CDCA7L: variants seen among roughly 807,000 people sequenced by gnomAD.
CDCA7L encodes cell division cycle-associated 7-like protein.
A neutral mutation model predicts 57.4 loss-of-function variants in CDCA7L; 44 were observed. The observed-to-expected ratio is 0.77, with a 90% CI of 0.60 to 0.98. The LOEUF (loss-of-function observed/expected upper bound fraction) is 0.98, where lower values mean the gene tolerates loss of function less well. CDCA7L is among the 50% of genes least tolerant of loss of function. The pLI is 0.00. For synonymous variants in CDCA7L, 236 were observed against 202.8 expected (o/e 1.16, Z -1.39); for missense variants, 644 against 580.6 (o/e 1.11, Z -1.12).
chr7:21,942,849 G>A (rs1447070891), intron 1 of CDCA7L, among the ~76,000 whole-genome samples: 1 of 152,118 alleles, frequency 6.6e-6, no homozygotes, highest in African/African-American at 2.4e-5. Context: ...CAGCTTCTGG[G>A]GCTCTGGAAT....
chr7:21,939,541 T>C (rs986516186), intron 1 of CDCA7L, among the ~76,000 whole-genome samples: 2 of 152,170 alleles, frequency 1.3e-5, no homozygotes, highest in Non-Finnish European at 2.9e-5. Flanking sequence ...TGTGAAGTAA[T>C]TTCCTCCTCC....
At chr7:21,918,298 C>T (rs1262738740) in intron 1 of CDCA7L, among the ~76,000 whole-genome samples, 1 of 152,222 alleles carries the variant, frequency 6.6e-6, no homozygotes, top group Non-Finnish European at 1.5e-5. Flanking sequence ...CCAAGGCTAA[C>T]TGTGCTTCCC....
intron 9 of CDCA7L, 108 bp from the exon 10 acceptor site, chr7:21,902,460 T>C: frequency 9.5e-7 from 1 of 1,049,112 alleles, no homozygotes; most frequent in Non-Finnish European, 1.5e-6. Context: ...AGAACCCAGA[T>C]CTCCTGACAC....
At chr7:21,923,316 C>T (rs1368892025) in intron 1 of CDCA7L, among the ~76,000 whole-genome samples, 3 of 152,004 alleles carry the variant, frequency 2.0e-5, no homozygotes, top group African/African-American at 7.2e-5. Flanking sequence ...TGGTGAGACC[C>T]CGTCTCTACC....
rs1267694594 is a variant in CDCA7L, at chr7:21,901,034, C to CCATTGT, written c.*1282_*1287dup. 1 of 1,610,510 alleles carries CCATTGT rather than the reference C, an allele frequency of 6.2e-7. No homozygotes were observed. Among genetic ancestry groups the CCATTGT allele is most frequent in the African/African-American group, 1.3e-5 (1 of 74,798 alleles). ...GCCCGCTGGGACACCCAAGCAGGAA[C>CCATTGT]CATTGTTGAAGCCCGTCTCAAGGAG... On this transcript the variant is annotated 3_prime_UTR_variant, in exon 10 of 10. Transcript: ENST00000406877.
chr7:21,931,402 A>G (rs6959806), intron 1 of CDCA7L, among the ~76,000 whole-genome samples: 30,028 of 152,194 alleles, frequency 0.2, 3,757 homozygotes, highest in East Asian at 0.51. Flanking sequence ...AACCAAATCC[A>G]GCAGCACATC....
chr7:21,916,991 C>A, intron 1 of CDCA7L, 97 bp from the exon 2 acceptor site: 1 of 1,409,084 alleles, frequency 7.1e-7, no homozygotes. Flanking sequence ...ATCACTTCAT[C>A]CAACTGCCAC....
chr7:21,934,533 A>T (rs1447865224), intron 1 of CDCA7L, among the ~76,000 whole-genome samples: 1 of 152,196 alleles, frequency 6.6e-6, no homozygotes, highest in South Asian at 2.1e-4. Flanking sequence ...GATATACAGA[A>T]AACCTATTTC....
At chr7:21,905,995 C>T (rs1785126094) in intron 6 of CDCA7L, among the ~76,000 whole-genome samples, 1 of 152,164 alleles carries the variant, frequency 6.6e-6, no homozygotes, top group South Asian at 2.1e-4. Context: ...AATCACTGCA[C>T]TTTTCTTTAT....
intron 1 of CDCA7L, among the ~76,000 whole-genome samples, chr7:21,942,107 G>A (rs528799347): frequency 1.3e-5 from 2 of 152,256 alleles, no homozygotes; most frequent in South Asian, 2.1e-4. Flanking sequence ...GTGCTCAACT[G>A]ACTATCTGAT....
chr7:21,905,065 C>A (rs891365196), intron 7 of CDCA7L, among the ~76,000 whole-genome samples: 1 of 151,924 alleles, frequency 6.6e-6, no homozygotes, highest in African/African-American at 2.4e-5. Flanking sequence ...TCCAGAAAAA[C>A]ACAAAAAAAA....
chr7:21,914,660 G>A (rs1004627407), intron 2 of CDCA7L, among the ~76,000 whole-genome samples: 2 of 152,192 alleles, frequency 1.3e-5, no homozygotes, highest in African/African-American at 4.8e-5. Context: ...GGCGGGGTAA[G>A]AGGCTGAGAA....
intron 9 of CDCA7L, 183 bp downstream of exon 9, chr7:21,902,795 C>G: frequency 5.1e-6 from 3 of 586,888 alleles, no homozygotes; most frequent in South Asian, 5.5e-5. Flanking sequence ...GGAGAAGATT[C>G]CCTAATAGGG....
Position 21,902,228 on chromosome 7 carries a change from C to CACA in CDCA7L, c.*91_*93dup, listed in dbSNP as rs1398345697. On this transcript the variant is annotated 3_prime_UTR_variant, in exon 10 of 10. Transcript: ENST00000406877. ...TCTACAAAGAATTTCTGTATAAAAA[C>CACA]ACAACTGTAAAAAAATCTTTCTTAG... is the stretch of plus-strand genomic sequence containing the variant. 9.1e-7 allele frequency: 1 copy of CACA among 1,100,782 alleles called. No homozygotes were observed. Among genetic ancestry groups the CACA allele is most frequent in the Non-Finnish European group, 1.3e-6 (1 of 744,010 alleles). The allele number at this position is 1,100,782 out of a possible 1,614,324, so 68.2% of individuals were successfully genotyped here.
At chr7:21,925,551 A>G (rs1428535637) in intron 1 of CDCA7L, among the ~76,000 whole-genome samples, 1 of 152,198 alleles carries the variant, frequency 6.6e-6, no homozygotes, top group African/African-American at 2.4e-5. Flanking sequence ...ACTCAGGGTG[A>G]AGGCGTATAT....
intron 1 of CDCA7L, among the ~76,000 whole-genome samples, chr7:21,937,863 C>T (rs1032116420): frequency 6.6e-6 from 1 of 152,102 alleles, no homozygotes; most frequent in Non-Finnish European, 1.5e-5. Context: ...GTATTTTCAA[C>T]AAACAGTGCT....
chr7:21,913,420 A>C (rs1262033824), intron 2 of CDCA7L, among the ~76,000 whole-genome samples: 8 of 152,196 alleles, frequency 5.3e-5, no homozygotes, highest in Non-Finnish European at 1.2e-4. Context: ...TAGCATACAC[A>C]TACTGTGTGC....
intron 4 of CDCA7L, among the ~76,000 whole-genome samples, chr7:21,907,736 C>G (rs1266574069): frequency 6.6e-6 from 1 of 152,122 alleles, no homozygotes; most frequent in Non-Finnish European, 1.5e-5. Flanking sequence ...AGCTACCTGC[C>G]CAACCTGCTC....
intron 1 of CDCA7L, among the ~76,000 whole-genome samples, chr7:21,934,079 C>T (rs1049252649): frequency 6.6e-6 from 1 of 152,122 alleles, no homozygotes; most frequent in Non-Finnish European, 1.5e-5. Flanking sequence ...AAAGTCACTA[C>T]ACCGTAACTT....
Sources: gnomAD v4.1 joint callset for allele counts (sites outside exome capture counted in the v4.1 genomes callset) on GRCh38, gnomAD v4.1.1 for gene constraint, MANE v1.5 for transcripts, NCBI Gene and HGNC (gene_info 2026-07-23, HGNC 2026-07-21) for gene names.